SLC16A12: variants seen among roughly 807,000 people sequenced by gnomAD.
The protein encoded by SLC16A12 is monocarboxylate transporter 12.
SLC16A12 carries 17 observed loss-of-function variants against 42.4 expected under a neutral mutation model. The observed-to-expected ratio is 0.40, with a 90% confidence interval of 0.27 to 0.60. The LOEUF is 0.60. Among genes scored for constraint, SLC16A12 ranks in the 20% least tolerant of loss-of-function variants. The pLI, the probability that SLC16A12 is intolerant of heterozygous loss-of-function variation, is 0.42. For missense variants in SLC16A12, 544 were observed against 623.0 expected (o/e 0.87, Z 1.35); for synonymous variants, 224 against 229.4 (o/e 0.98, Z 0.21).
chr10:89,485,544 T>C lies in SLC16A12; in HGVS notation c.-46-22920A>G, dbSNP rs553843740. ...TCTCCATTTCCTAACAGCAGTTTAA[T>C]GAGTTTATGCTACCTGCAACCAAAG... On this transcript the variant is annotated intron_variant, in intron 2 of 7. Transcript: ENST00000371790. 1.7e-4 allele frequency among the ~76,000 whole-genome samples: 26 copies of C among 152,330 alleles called. 1 individual carries two copies. The highest frequency in any genetic ancestry group is 4.6e-4 in the Admixed American group (7 of 15,306).
At chr10:89,458,725 T>C (rs1437209464) in intron 3 of SLC16A12, among the ~76,000 whole-genome samples, 1 of 152,220 alleles carries the variant, frequency 6.6e-6, no homozygotes, top group African/African-American at 2.4e-5. Flanking sequence ...GAAAGAGGCA[T>C]TATTAGTGAT....
At chr10:89,539,108 C>T (rs185176550), upstream of SLC16A12, among the ~76,000 whole-genome samples, 149 of 152,284 alleles carry the variant, frequency 9.8e-4, no homozygotes, top group African/African-American at 3.3e-3. Context: ...CATCTCTCTA[C>T]CCTACTGCAA....
intron 2 of SLC16A12, among the ~76,000 whole-genome samples, chr10:89,552,245 G>A (rs1191055979): frequency 6.6e-6 from 1 of 152,080 alleles, no homozygotes; most frequent in East Asian, 1.9e-4. Flanking sequence ...AAAGAGAGAT[G>A]TATTAATGTT....
At chr10:89,526,908 C>T (rs1016478293) in intron 2 of SLC16A12, among the ~76,000 whole-genome samples, 1 of 150,468 alleles carries the variant, frequency 6.6e-6, no homozygotes, top group Admixed American at 6.6e-5. Context: ...AAGGGGCCAC[C>T]AGAAAGGAGC....
At chr10:89,471,465 A>C (rs535976332) in intron 2 of SLC16A12, among the ~76,000 whole-genome samples, 1 of 152,334 alleles carries the variant, frequency 6.6e-6, no homozygotes, top group Admixed American at 6.5e-5. Flanking sequence ...GTGTATCTAC[A>C]GTTGATTCTT....
chr10:89,449,352 A>C (rs931232381), intron 3 of SLC16A12, among the ~76,000 whole-genome samples: 2 of 152,224 alleles, frequency 1.3e-5, no homozygotes, highest in Non-Finnish European at 2.9e-5. Context: ...ACCTGACTTC[A>C]AGCTGTACTA....
intron 3 of SLC16A12, among the ~76,000 whole-genome samples, chr10:89,456,710 C>A (rs534343503): frequency 3.9e-5 from 6 of 152,080 alleles, no homozygotes; most frequent in Non-Finnish European, 7.4e-5. Context: ...CCCACTCCCC[C>A]ACCCCGACAG....
rs138552950 is a variant in SLC16A12 at position 89,438,914 on chromosome 10, G to A, written c.718C>T (p.His240Tyr). Residue 240 changes from histidine (H) to tyrosine (Y), a missense_variant, in exon 6 of 8, where the codon CAT (histidine) becomes TAT (tyrosine). Physicochemically the swap from His to Tyr is moderately conservative, Grantham distance 83. Coordinates refer to ENST00000371790, the MANE Select transcript of SLC16A12 (RefSeq NM_213606.4). ...KEDHTTPEQN[H>Y]VCRTQKEDIK... ...TCTTCTTTCTGAGTTCTACACACATGGTTCTGCTCTGGAGTTGTGTGGTCC... is the reference window on the plus strand; with the variant it reads ...TCTTCTTTCTGAGTTCTACACACATAGTTCTGCTCTGGAGTTGTGTGGTCC... 6.2e-7 allele frequency: 1 copy of A among 1,614,192 alleles called. No homozygotes were observed. Among genetic ancestry groups the A allele is most frequent in the South Asian group, 1.1e-5 (1 of 91,088 alleles).
chr10:89,505,166 T>A (rs1163654798), intron 2 of SLC16A12, among the ~76,000 whole-genome samples: 1 of 152,196 alleles, frequency 6.6e-6, no homozygotes, highest in Non-Finnish European at 1.5e-5. Flanking sequence ...TTTGGAATAC[T>A]TTGAATAATT....
chr10:89,443,065 C>G (rs894797586), intron 4 of SLC16A12, among the ~76,000 whole-genome samples: 2 of 152,180 alleles, frequency 1.3e-5, no homozygotes, highest in Admixed American at 1.3e-4. Flanking sequence ...TTGTTGTCCT[C>G]TACTACACAG....
At chr10:89,508,946 A>G (rs866199345) in intron 2 of SLC16A12, among the ~76,000 whole-genome samples, 5 of 152,354 alleles carry the variant, frequency 3.3e-5, no homozygotes, top group South Asian at 4.1e-4. Flanking sequence ...ACAAACTACC[A>G]TCAGAGAATA....
At chr10:89,537,476 A>T (rs1006012622), upstream of SLC16A12, among the ~76,000 whole-genome samples, 1 of 152,112 alleles carries the variant, frequency 6.6e-6, no homozygotes, top group African/African-American at 2.4e-5. Flanking sequence ...CTTGCAAAAA[A>T]CCCTAGGTTA....
intron 2 of SLC16A12, chr10:89,463,164 T>C (rs1489884495): frequency 1.3e-5 from 2 of 152,314 alleles, no homozygotes; most frequent in Admixed American, 6.5e-5. Flanking sequence ...TCTACACTGT[T>C]ACACAAAAGA....
chr10:89,532,736 A>G (rs1214046454), intron 2 of SLC16A12, among the ~76,000 whole-genome samples: 2 of 152,222 alleles, frequency 1.3e-5, no homozygotes, highest in Non-Finnish European at 2.9e-5. Flanking sequence ...AACATGCCTG[A>G]GCTTGCAAAC....
chr10:89,501,196 G>A (rs755730576), intron 2 of SLC16A12, among the ~76,000 whole-genome samples: 5 of 152,166 alleles, frequency 3.3e-5, no homozygotes, highest in Admixed American at 2.0e-4. Flanking sequence ...TCATGGATGG[G>A]TAGAATCAAT....
intron 2 of SLC16A12, among the ~76,000 whole-genome samples, chr10:89,496,315 G>C (rs377416668): frequency 6.6e-6 from 1 of 151,968 alleles, no homozygotes; most frequent in Non-Finnish European, 1.5e-5. Context: ...GAAACATTTG[G>C]AAACTAAAAA....
At chr10:89,476,556 G>C (rs1842584436) in intron 2 of SLC16A12, among the ~76,000 whole-genome samples, 1 of 152,190 alleles carries the variant, frequency 6.6e-6, no homozygotes, top group African/African-American at 2.4e-5. Context: ...GGAGAGAACA[G>C]GGACTCAATA....
chr10:89,443,360 T>C (rs1237415579), intron 4 of SLC16A12, among the ~76,000 whole-genome samples: 1 of 152,234 alleles, frequency 6.6e-6, no homozygotes, highest in Non-Finnish European at 1.5e-5. Context: ...CTCATGGTAC[T>C]ATCAATAACT....
At chr10:89,490,820 G>C (rs1842835457) in intron 2 of SLC16A12, among the ~76,000 whole-genome samples, 1 of 152,142 alleles carries the variant, frequency 6.6e-6, no homozygotes, top group Non-Finnish European at 1.5e-5. Context: ...AGCAGTTGCT[G>C]AAAGTCCAAC....
Sources: allele counts gnomAD v4.1 joint callset (sites outside exome capture counted in the v4.1 genomes callset), GRCh38; gene constraint gnomAD v4.1.1; transcripts MANE v1.5; gene names NCBI Gene and HGNC (gene_info 2026-07-23, HGNC 2026-07-21).